Variants in C8orf34 observed in about 807,000 individuals in gnomAD.
C8orf34 encodes the protein uncharacterized protein C8orf34.
In C8orf34, 65 loss-of-function variants were observed where a neutral mutation model predicts 68.3. The ratio of observed to expected loss-of-function variants is 0.95; its 90% CI spans 0.78 to 1.17. C8orf34 has a LOEUF of 1.17. Ranked by LOEUF, C8orf34 falls within the 50% of genes most tolerant of loss-of-function variation. The pLI is 0.00. For synonymous variants in C8orf34, 244 were observed against 241.2 expected (o/e 1.01, Z -0.11); for missense variants, 664 against 655.4 (o/e 1.01, Z -0.14).
intron 1 of C8orf34, among the ~76,000 whole-genome samples, chr8:68,396,450 G>A (rs1427007006): frequency 6.6e-6 from 1 of 151,774 alleles, no homozygotes; most frequent in African/African-American, 2.4e-5. Flanking sequence ...AAGCAAGAAA[G>A]CTCTACCACA....
intron 1 of C8orf34, among the ~76,000 whole-genome samples, chr8:68,388,931 T>A (rs574571017): frequency 4.6e-5 from 7 of 152,302 alleles, no homozygotes; most frequent in Non-Finnish European, 1.0e-4. Context: ...ATGAGTGATA[T>A]AAGTTTCTCG....
chr8:68,573,027 C>G (rs1252537930), intron 7 of C8orf34, among the ~76,000 whole-genome samples: 2 of 152,080 alleles, frequency 1.3e-5, no homozygotes, highest in African/African-American at 4.8e-5. Context: ...TAAACATCCT[C>G]ATTTTCTTCA....
chr8:68,538,047 T>A (rs1815551933), intron 7 of C8orf34, among the ~76,000 whole-genome samples: 1 of 152,188 alleles, frequency 6.6e-6, no homozygotes, highest in African/African-American at 2.4e-5. Context: ...GACAAATGCC[T>A]TTTATCTCAA....
Position 68,698,011 on chromosome 8 carries a change from C to A in C8orf34, c.1242-10983C>A, listed in dbSNP as rs139624408. Among the ~76,000 whole-genome samples the A allele has an allele frequency of 1.4e-3, 208 of 152,116 alleles. 2 individuals are homozygous for A. The highest frequency in any genetic ancestry group is 4.8e-3 in the African/African-American group (200 of 41,522). On this transcript the variant is annotated intron_variant, in intron 8 of 13. Transcript: ENST00000518698. ...GTTCCCCATCCTTCCTAGTTAGAAA[C>A]AACTCAGTGGGGTTTTCCGGAGTTC...
At chr8:68,748,941 T>G (rs1822605658) in intron 10 of C8orf34, among the ~76,000 whole-genome samples, 1 of 152,146 alleles carries the variant, frequency 6.6e-6, no homozygotes, top group South Asian at 2.1e-4. Flanking sequence ...TGCACACGTA[T>G]GTTTATTGCG....
chr8:68,516,096 C>T (rs1194354111), intron 5 of C8orf34, among the ~76,000 whole-genome samples: 1 of 152,074 alleles, frequency 6.6e-6, no homozygotes, highest in Non-Finnish European at 1.5e-5. Context: ...TTTATCCAAA[C>T]CTTAAGAGTT....
At chr8:68,605,276 C>T (rs191738607) in intron 7 of C8orf34, among the ~76,000 whole-genome samples, 3 of 152,236 alleles carry the variant, frequency 2.0e-5, no homozygotes, top group African/African-American at 7.2e-5. Context: ...CGAAATAGTA[C>T]AGTCACTTTG....
Position 68,534,907 on chromosome 8 carries a change from T to C in C8orf34, c.1105+1758T>C. ...CTAATGATGAGCAATTAATAACTAG[T>C]CCTCATTAATTCTTTTTTTAGACAT... On this transcript the variant is annotated intron_variant, in intron 7 of 13. Coordinates refer to ENST00000518698, the MANE Select transcript of C8orf34 (RefSeq NM_052958.4). The C allele has an allele frequency of 2.0e-6, 2 of 985,340 alleles. 1 individual carries two copies. The highest frequency in any genetic ancestry group is 2.4e-6 in the Non-Finnish European group (2 of 829,904). The allele number at this position is 985,340 out of a possible 1,614,324, so 61.0% of individuals were successfully genotyped here.
At chr8:68,736,115 A>C (rs1038968240) in intron 10 of C8orf34, among the ~76,000 whole-genome samples, 1 of 152,206 alleles carries the variant, frequency 6.6e-6, no homozygotes, top group African/African-American at 2.4e-5. Context: ...GTATATTACA[A>C]GTTAAAGCAT....
intron 7 of C8orf34, among the ~76,000 whole-genome samples, chr8:68,638,304 G>T (rs1370102072): frequency 6.8e-6 from 1 of 146,148 alleles, no homozygotes; most frequent in Non-Finnish European, 1.5e-5. Context: ...AGTAAAGCTA[G>T]AACTTTTTTT....
intron 4 of C8orf34, among the ~76,000 whole-genome samples, chr8:68,483,973 G>A (rs1812968742): frequency 6.6e-6 from 1 of 152,166 alleles, no homozygotes. Context: ...GGCCATTCTT[G>A]CATTGCTGTG....
chr8:68,808,941 T>G (rs1824566085), intron 12 of C8orf34, among the ~76,000 whole-genome samples: 1 of 70,930 alleles, frequency 1.4e-5, no homozygotes, highest in South Asian at 4.6e-4. Flanking sequence ...TTCACTGTAA[T>G]TACTAATGAT....
chr8:68,538,847 CTG>C (rs1402054764), intron 7 of C8orf34, among the ~76,000 whole-genome samples: 1 of 151,998 alleles, frequency 6.6e-6, no homozygotes, highest in Non-Finnish European at 1.5e-5. Context: ...TCATTTTCCT[CTG>C]TGTAAATGTA....
rs1806061245 is a variant in C8orf34 at position 68,341,342 on chromosome 8, A to G, written c.327+10003A>G. ...TTATCAGTGCTCCTGGAGCATTTGGATATCCATTGGCAGAAAACCAAAGCT... is the reference window on the plus strand; with the variant it reads ...TTATCAGTGCTCCTGGAGCATTTGGGTATCCATTGGCAGAAAACCAAAGCT... On this transcript the variant is annotated intron_variant, in intron 1 of 13. Transcript: ENST00000518698. Among the ~76,000 whole-genome samples, 3 of 152,326 alleles carry G rather than the reference A, an allele frequency of 2.0e-5. No individual in the cohort carries two copies. In the South Asian group the frequency reaches 6.2e-4, roughly 32 times the overall value.
chr8:68,663,470 A>C (rs1819746042), intron 8 of C8orf34, among the ~76,000 whole-genome samples: 1 of 152,170 alleles, frequency 6.6e-6, no homozygotes, highest in African/African-American at 2.4e-5. Flanking sequence ...AATCTTATCT[A>C]AAAAATCCCG....
intron 1 of C8orf34, among the ~76,000 whole-genome samples, chr8:68,339,123 A>G (rs1805969766): frequency 6.6e-6 from 1 of 151,958 alleles, no homozygotes; most frequent in Admixed American, 6.6e-5. Context: ...TTTTAGGATC[A>G]TTTTGTTAAT....
At chr8:68,341,737 C>T (rs971579224) in intron 1 of C8orf34, among the ~76,000 whole-genome samples, 1 of 152,202 alleles carries the variant, frequency 6.6e-6, no homozygotes, top group African/African-American at 2.4e-5. Flanking sequence ...ACGTCACCTT[C>T]TGTCATGAGT....
intron 5 of C8orf34, among the ~76,000 whole-genome samples, chr8:68,509,231 A>C (rs1814156767): frequency 6.6e-6 from 1 of 152,192 alleles, no homozygotes; most frequent in Non-Finnish European, 1.5e-5. Flanking sequence ...TTCCAGCAGA[A>C]GGGGCCATTG....
intron 5 of C8orf34, among the ~76,000 whole-genome samples, chr8:68,499,518 T>C (rs143407027): frequency 6.6e-6 from 1 of 152,314 alleles, no homozygotes; most frequent in Non-Finnish European, 1.5e-5. Context: ...GGAGGATGCA[T>C]AGTACACTAC....
Sources: allele counts gnomAD v4.1 joint callset (sites outside exome capture counted in the v4.1 genomes callset), GRCh38; gene constraint gnomAD v4.1.1; transcripts MANE v1.5; gene names NCBI Gene and HGNC (gene_info 2026-07-23, HGNC 2026-07-21).